Variants in CTNNA2 observed in about 807,000 individuals in gnomAD.
The protein encoded by CTNNA2 is catenin alpha 2.
CTNNA2 carries 42 observed loss-of-function variants against 101.0 expected under a neutral mutation model. That is an observed-to-expected ratio of 0.42 (90% CI 0.32 to 0.54). The LOEUF is 0.54. Among genes scored for constraint, CTNNA2 ranks in the 20% least tolerant of loss-of-function variants. CTNNA2 has a pLI of 0.14. For synonymous variants in CTNNA2, 450 were observed against 456.4 expected (o/e 0.99, Z 0.18); for missense variants, 871 against 1,223.1 (o/e 0.71, Z 4.29).
intron 7 of CTNNA2, among the ~76,000 whole-genome samples, chr2:80,027,233 G>C (rs993682331): frequency 6.6e-6 from 1 of 152,164 alleles, no homozygotes; most frequent in Non-Finnish European, 1.5e-5. Context: ...GCATGGGGAG[G>C]GGACCAGGTT....
chr2:79,671,293 A>G (rs991150604), intron 2 of CTNNA2, among the ~76,000 whole-genome samples: 4 of 152,224 alleles, frequency 2.6e-5, no homozygotes, highest in African/African-American at 9.6e-5. Flanking sequence ...AGCTCCGCAT[A>G]GCTCAGATAA....
intron 7 of CTNNA2, among the ~76,000 whole-genome samples, chr2:80,156,466 C>T (rs1276399755): frequency 6.6e-6 from 1 of 152,188 alleles, no homozygotes; most frequent in East Asian, 1.9e-4. Context: ...TTCTAAGGTT[C>T]ACTTTCCTTA....
intron 12 of CTNNA2, among the ~76,000 whole-genome samples, chr2:80,560,071 AAG>A: frequency 1.5e-5 from 2 of 134,510 alleles, no homozygotes; most frequent in African/African-American, 2.7e-5. Flanking sequence ...AAAAAAAAAA[AAG>A]AAAAAAGCAT....
intron 3 of CTNNA2, among the ~76,000 whole-genome samples, chr2:79,772,646 C>G (rs1558916736): frequency 6.6e-6 from 1 of 152,138 alleles, no homozygotes; most frequent in Non-Finnish European, 1.5e-5. Flanking sequence ...GATCATACCT[C>G]ACTGCAGCCA....
chr2:79,327,974 G>GT (rs2104415550), intron 3 of CTNNA2, among the ~76,000 whole-genome samples: 1 of 147,326 alleles, frequency 6.8e-6, no homozygotes, highest in African/African-American at 2.5e-5. Context: ...GCATGGGGTT[G>GT]CGGGGGTGAG....
intron 4 of CTNNA2, among the ~76,000 whole-genome samples, chr2:79,440,431 A>G (rs1444494252): frequency 1.3e-5 from 2 of 152,166 alleles, no homozygotes. Context: ...GCCCTTTGGT[A>G]AAAGGAAAGG....
chr2:79,187,260 CTTTTCTTTTCTTTTT>C (rs1673790831), intron 1 of CTNNA2, among the ~76,000 whole-genome samples: 1 of 99,902 alleles, frequency 1.0e-5, no homozygotes, highest in Non-Finnish European at 1.9e-5. Flanking sequence ...CTTTTCTTTT[CTTTTCTTTTCTTTTT>C]TTTTTTTTTT....
At chr2:79,961,730 G>A (rs1430947092) in intron 7 of CTNNA2, among the ~76,000 whole-genome samples, 2 of 148,648 alleles carry the variant, frequency 1.3e-5, no homozygotes, top group Non-Finnish European at 3.0e-5. Flanking sequence ...GCTGAGGCAA[G>A]AGAATGGCGT....
chr2:79,471,815 G>A (rs772127260), intron 4 of CTNNA2, among the ~76,000 whole-genome samples: 65 of 152,060 alleles, frequency 4.3e-4, no homozygotes, highest in Non-Finnish European at 8.2e-4. Flanking sequence ...TCCAGCCTGG[G>A]TGACAGAGTG....
At chr2:79,345,043 T>C (rs1573102129) in intron 3 of CTNNA2, among the ~76,000 whole-genome samples, 3 of 151,240 alleles carry the variant, frequency 2.0e-5, no homozygotes. Context: ...CCGTAACTTA[T>C]GCACTTTATT....
chr2:80,241,597 A>G (rs903962261), intron 7 of CTNNA2, among the ~76,000 whole-genome samples: 9 of 150,700 alleles, frequency 6.0e-5, no homozygotes, highest in African/African-American at 1.5e-4. Context: ...ATATCTATCT[A>G]TCTATCTATC....
chr2:80,617,828 C>T (rs1171037186), intron 17 of CTNNA2, among the ~76,000 whole-genome samples: 1 of 151,762 alleles, frequency 6.6e-6, no homozygotes, highest in African/African-American at 2.4e-5. Flanking sequence ...ACAGAAAAAT[C>T]CCAAATTAAG....
In CTNNA2 at chr2:80,462,627, CTTTCTT is replaced by C. The variant is rs1200848596; in HGVS notation, c.1290+43030_1290+43035del. On this transcript the variant is annotated intron_variant, in intron 9 of 18. Coordinates refer to ENST00000402739, the MANE Select transcript of CTNNA2 (RefSeq NM_001282597.3). ...TCTCCCTTCCTTTCCTTCTTTCTTT[CTTTCTT>C]TTTTTTTTTTTTTTTTTTTGACGAA... Among the ~76,000 whole-genome samples the C allele has an allele frequency of 3.3e-4, 38 of 114,358 alleles. 1 individual carries two copies. Among genetic ancestry groups the C allele is most frequent in the African/African-American group, 1.4e-3 (38 of 26,942 alleles). The allele number at this position is 114,358 out of a possible 152,430, so 75.0% of individuals were successfully genotyped here.
intron 7 of CTNNA2, among the ~76,000 whole-genome samples, chr2:79,994,708 CAAAA>C: frequency 6.7e-6 from 1 of 149,398 alleles, no homozygotes; most frequent in East Asian, 2.0e-4. Flanking sequence ...ATGAAAAATG[CAAAA>C]AAAAAGCTTT....
chr2:79,487,361 T>C (rs571962408), intron 4 of CTNNA2, among the ~76,000 whole-genome samples: 1 of 152,350 alleles, frequency 6.6e-6, no homozygotes, highest in South Asian at 2.1e-4. Context: ...CTGCTTCTCA[T>C]ATAAAAAGTA....
chr2:80,531,100 T>A (rs183452890), intron 9 of CTNNA2, among the ~76,000 whole-genome samples: 9 of 152,150 alleles, frequency 5.9e-5, no homozygotes. Flanking sequence ...TTAAGGGGAA[T>A]GAGTTGGTTC....
At chr2:80,049,791 G>A (rs934884214) in intron 7 of CTNNA2, among the ~76,000 whole-genome samples, 6 of 152,174 alleles carry the variant, frequency 3.9e-5, no homozygotes, top group Non-Finnish European at 8.8e-5. Context: ...TGTTTCTAGT[G>A]TGTTCCAGAG....
At chr2:79,443,198 CAT>C (rs1362192728) in intron 4 of CTNNA2, among the ~76,000 whole-genome samples, 37 of 152,138 alleles carry the variant, frequency 2.4e-4, no homozygotes, top group Admixed American at 9.8e-4. Context: ...TGAAAAGTTC[CAT>C]GATCTGCCAT....
rs558581941 is a variant in CTNNA2, at chr2:79,789,784, A to G, written c.298+45202A>G. 8.9e-4 allele frequency among the ~76,000 whole-genome samples: 135 copies of G among 152,190 alleles called. 1 individual carries two copies. Among genetic ancestry groups the G allele is most frequent in the Admixed American group, 8.6e-3 (132 of 15,270 alleles). On this transcript the variant is annotated intron_variant, in intron 3 of 18. Transcript: ENST00000402739. ...CCAGGGGCCCCTCATCAAGACTGTGATGGTGAGAGGAGAGTCAAGACTTCT... is the reference window on the plus strand; with the variant it reads ...CCAGGGGCCCCTCATCAAGACTGTGGTGGTGAGAGGAGAGTCAAGACTTCT...
Sources: gnomAD v4.1 joint callset for allele counts (sites outside exome capture counted in the v4.1 genomes callset) on GRCh38, gnomAD v4.1.1 for gene constraint, MANE v1.5 for transcripts, NCBI Gene and HGNC (gene_info 2026-07-23, HGNC 2026-07-21) for gene names.